MICAL2: variants seen among roughly 807,000 people sequenced by gnomAD.
The protein encoded by MICAL2 is microtubule associated monooxygenase, calponin and LIM domain containing 2, also known as [F-actin]-monooxygenase MICAL2.
MICAL2 carries 77 observed loss-of-function variants against 127.3 expected under a neutral mutation model. The observed-to-expected ratio is 0.60, with a 90% CI of 0.50 to 0.73. The LOEUF (loss-of-function observed/expected upper bound fraction) is 0.73. MICAL2 is among the 30% of genes least tolerant of loss of function. The probability of loss-of-function intolerance (pLI) is 0.00; values close to 1 mark genes in which losing one functional copy is unlikely to be tolerated. For missense variants in MICAL2, 1,351 were observed against 1,434.4 expected (o/e 0.94, Z 0.94); for synonymous variants, 570 against 551.1 (o/e 1.03, Z -0.48).
chr11:12,268,834 C>CAA (rs59677738), intron 24 of MICAL2, among the ~76,000 whole-genome samples: 1 of 143,860 alleles, frequency 7.0e-6, no homozygotes, highest in Non-Finnish European at 1.5e-5. Context: ...ACTAAAAATA[C>CAA]AAAAAAAAAA....
intron 3 of MICAL2, among the ~76,000 whole-genome samples, chr11:12,194,318 G>T: frequency 6.6e-6 from 1 of 152,206 alleles, no homozygotes; most frequent in Admixed American, 6.5e-5. Context: ...TGTAAGACAT[G>T]GATGATGGAT....
downstream of MICAL2, chr11:12,293,883 G>A (rs766150452): frequency 1.2e-6 from 2 of 1,610,886 alleles, no homozygotes; most frequent in East Asian, 2.2e-5. Context: ...CCCTTGGCTG[G>A]AGAAGACCGG....
At chr11:12,130,705 A>T (rs1851342633) in intron 1 of MICAL2, among the ~76,000 whole-genome samples, 1 of 152,172 alleles carries the variant, frequency 6.6e-6, no homozygotes. Flanking sequence ...CCCTCCTGCC[A>T]ACTTTGAATA....
Position 12,222,647 on chromosome 11 carries a change from A to C in MICAL2, c.1353A>C (p.Thr451=), listed in dbSNP as rs1465408123. The change falls in exon 11 of 28, where the codon ACA becomes ACC. Residue 451 remains threonine (T), a synonymous_variant. Coordinates refer to ENST00000683283, the MANE Select transcript of MICAL2 (RefSeq NM_001282663.2). Reference sequence around the variant, plus strand: ...GTCTCTACCGGCTGTTACCTCAGACAACCCCGGAGAACATCAACAAGAACT... The same window carrying C: ...GTCTCTACCGGCTGTTACCTCAGACCACCCCGGAGAACATCAACAAGAACT... The part of the protein sequence containing the change: ...RESLYRLLPQ[T]TPENINKNFE... 1.2e-6 allele frequency: 2 copies of C among 1,614,250 alleles called. No homozygotes were observed. The highest frequency in any genetic ancestry group is 4.5e-5 in the East Asian group (2 of 44,880).
At chr11:12,294,153 C>A (rs537583162), downstream of MICAL2, 1 of 1,614,022 alleles carries the variant, frequency 6.2e-7, no homozygotes, top group Non-Finnish European at 8.5e-7. Flanking sequence ...GAGCCCCTGC[C>A]AACCCAGAGA....
chr11:12,335,761 T>C (rs1003492861), intron 32 of MICAL2, among the ~76,000 whole-genome samples: 2 of 152,204 alleles, frequency 1.3e-5, no homozygotes, highest in African/African-American at 4.8e-5. Context: ...ATCAGATAGT[T>C]GTAGATATGC....
chr11:12,207,684 G>C (rs1037011660), intron 4 of MICAL2: 2 of 188,298 alleles, frequency 1.1e-5, no homozygotes, highest in Non-Finnish European at 2.2e-5. Context: ...AGCTTCTCTT[G>C]TTACAGCATC....
At chr11:12,194,384 A>G (rs16910717) in intron 3 of MICAL2, among the ~76,000 whole-genome samples, 3,639 of 152,308 alleles carry the variant, frequency 0.024, 149 homozygotes, top group African/African-American at 0.08. Context: ...AAAGAGTGTT[A>G]GCTATTATTA....
chr11:12,114,837 T>A (rs1849878344), intron 1 of MICAL2, among the ~76,000 whole-genome samples: 1 of 152,224 alleles, frequency 6.6e-6, no homozygotes, highest in Non-Finnish European at 1.5e-5. Context: ...CCCCTCACTG[T>A]GCTGGTTTGT....
downstream of MICAL2, among the ~76,000 whole-genome samples, chr11:12,288,535 G>A (rs1863855481): frequency 6.6e-6 from 1 of 152,216 alleles, no homozygotes; most frequent in African/African-American, 2.4e-5. Flanking sequence ...GGGAAACTCA[G>A]CCTTTAGTTA....
intron 32 of MICAL2, among the ~76,000 whole-genome samples, chr11:12,335,966 A>G (rs1487480497): frequency 6.6e-6 from 1 of 152,170 alleles, no homozygotes; most frequent in Non-Finnish European, 1.5e-5. Flanking sequence ...TGAACTTTAA[A>G]GAAGTTTTTC....
chr11:12,359,502 C>T (rs1033633959), downstream of MICAL2, among the ~76,000 whole-genome samples: 3 of 152,160 alleles, frequency 2.0e-5, no homozygotes, highest in African/African-American at 7.2e-5. Context: ...TCCCCAGGAA[C>T]TCTACAGAGC....
chr11:12,255,166 T>G (rs1862155916), intron 22 of MICAL2: 1 of 159,362 alleles, frequency 6.3e-6, no homozygotes, highest in Non-Finnish European at 1.4e-5. Flanking sequence ...GATCCACCCA[T>G]CTCGGCCTCC....
intron 34 of MICAL2, among the ~76,000 whole-genome samples, chr11:12,356,135 C>A (rs879333249): frequency 2.6e-5 from 4 of 152,210 alleles, no homozygotes; most frequent in Middle Eastern, 6.9e-3. Context: ...ACCTTTGATT[C>A]TTTTTAAAAA....
chr11:12,357,287 A>G (rs1939143324), intron 34 of MICAL2, among the ~76,000 whole-genome samples: 1 of 152,184 alleles, frequency 6.6e-6, no homozygotes, highest in South Asian at 2.1e-4. Flanking sequence ...CAAGACTTAA[A>G]TCTGGCTTCA....
chr11:12,331,455 G>T (rs143382674), intron 32 of MICAL2, among the ~76,000 whole-genome samples: 37 of 152,228 alleles, frequency 2.4e-4, no homozygotes, highest in African/African-American at 8.4e-4. Flanking sequence ...AGAAAAATTA[G>T]GATGCACAAA....
intron 3 of MICAL2, 99 bp from the exon 4 acceptor site, chr11:12,204,151 G>A: frequency 8.6e-7 from 1 of 1,165,116 alleles, no homozygotes; most frequent in Non-Finnish European, 1.3e-6. Flanking sequence ...GTTGGTTCAG[G>A]AAGAGTGGGA....
chr11:12,311,592 G>T (rs1864175339), intron 29 of MICAL2, among the ~76,000 whole-genome samples: 1 of 152,146 alleles, frequency 6.6e-6, no homozygotes, highest in Non-Finnish European at 1.5e-5. Context: ...CTTAGAGACA[G>T]CGTTTCACCG....
intron 1 of MICAL2, among the ~76,000 whole-genome samples, chr11:12,280,711 G>A (rs1318426502): frequency 4.6e-5 from 7 of 152,362 alleles, no homozygotes; most frequent in Non-Finnish European, 8.8e-5. Flanking sequence ...ATCTCTAGAT[G>A]CAGTCATATC....
Sources: allele counts gnomAD v4.1 joint callset (sites outside exome capture counted in the v4.1 genomes callset), GRCh38; gene constraint gnomAD v4.1.1; transcripts MANE v1.5; gene names NCBI Gene and HGNC (gene_info 2026-07-23, HGNC 2026-07-21).